The following RIC3 variants were observed in gnomAD, a reference collection of about 807,000 sequenced individuals.
RIC3 encodes protein RIC-3.
Under a neutral mutation model 27.3 loss-of-function variants are expected in RIC3, and 28 were observed. The observed-to-expected ratio is 1.02, with a 90% CI of 0.76 to 1.41. RIC3 has a LOEUF of 1.41. RIC3 is among the 40% of genes most tolerant of loss of function. The probability of loss-of-function intolerance (pLI) is 0.00; values close to 1 mark genes in which losing one functional copy is unlikely to be tolerated. For synonymous variants in RIC3, 184 were observed against 160.4 expected (o/e 1.15, Z -1.11); for missense variants, 501 against 444.7 (o/e 1.13, Z -1.14).
At chr11:8,121,986 C>T (rs1176164965) in intron 5 of RIC3, among the ~76,000 whole-genome samples, 3 of 152,068 alleles carry the variant, frequency 2.0e-5, no homozygotes, top group Admixed American at 6.5e-5. Context: ...CCCAGCTACT[C>T]AGGAGGCTGA....
Position 8,110,530 on chromosome 11 carries a change from ACAGGTGTGTGAGCAC to A in RIC3, c.*153_*167del, listed in dbSNP as rs1945119221. On this transcript the variant is annotated 3_prime_UTR_variant, in exon 6 of 6. Coordinates refer to ENST00000309737, the MANE Select transcript of RIC3 (RefSeq NM_001206671.4). ...ACTAATGTCCGTGTTTTACAAGGTG[ACAGGTGTGTGAGCAC>A]CAGGAAGGATACATGATATCCATGA... 1 of 709,190 alleles carries A rather than the reference ACAGGTGTGTGAGCAC, an allele frequency of 1.4e-6. No individual in the cohort carries two copies. Among genetic ancestry groups the A allele is most frequent in the East Asian group, 2.7e-5 (1 of 37,620 alleles). 43.9% of individuals were successfully genotyped at this position (709,190 alleles called of 1,614,324 possible).
chr11:8,098,811 A>T, the RIC3 span: 1 of 1,614,216 alleles, frequency 6.2e-7, no homozygotes, highest in Non-Finnish European at 8.5e-7. Context: ...GTCAACCCTC[A>T]GAAGGCCTCA....
At chr11:8,101,512 C>A, downstream of RIC3, 1 of 1,614,214 alleles carries the variant, frequency 6.2e-7, no homozygotes, top group South Asian at 1.1e-5. Context: ...GCAGTTTGGC[C>A]GGGTAGCAGA....
intron 1 of RIC3, among the ~76,000 whole-genome samples, chr11:8,156,936 A>C (rs1590368504): frequency 6.6e-6 from 1 of 152,300 alleles, no homozygotes; most frequent in Admixed American, 6.5e-5. Flanking sequence ...CACCATCTCT[A>C]TCCAATTTTA....
intron 1 of RIC3, among the ~76,000 whole-genome samples, chr11:8,140,426 T>G (rs903608691): frequency 1.3e-5 from 2 of 152,176 alleles, no homozygotes; most frequent in Non-Finnish European, 2.9e-5. Flanking sequence ...CTGGACCACA[T>G]TTTTCAGACT....
Position 8,110,888 on chromosome 11 carries a change from A to T in RIC3, c.920T>A (p.Phe307Tyr). The T allele has an allele frequency of 1.2e-6, 2 of 1,614,210 alleles. No homozygotes were observed. Among genetic ancestry groups the T allele is most frequent in the Non-Finnish European group, 1.7e-6 (2 of 1,180,038 alleles). ...GACAGCAGGATCCTCGTCTTCATGA[A>T]AACAGCAGGAACATGTTTCTGGCTT... Reference protein sequence around the residue: ...DPKPETCSCCFHEDEDPAVLA... With the variant: ...DPKPETCSCCYHEDEDPAVLA... The change falls in exon 6 of 6, where the codon TTT becomes TAT. Residue 307 changes from phenylalanine to tyrosine, a missense_variant. Transcript: ENST00000309737.
At chr11:8,100,611 T>C in the RIC3 span, 11 of 1,611,294 alleles carry the variant, frequency 6.8e-6, no homozygotes, top group Admixed American at 1.7e-5. Flanking sequence ...CGTGAGTGTC[T>C]ACCCCTTCCT....
At chr11:8,137,257 C>T in intron 4 of RIC3, 121 bp downstream of exon 4, 3 of 766,840 alleles carry the variant, frequency 3.9e-6, no homozygotes, top group Non-Finnish European at 6.6e-6. Flanking sequence ...CTCCTGACCT[C>T]AGATGATCCA....
chr11:8,159,114 G>A (rs1056049930), intron 1 of RIC3, among the ~76,000 whole-genome samples: 1 of 151,540 alleles, frequency 6.6e-6, no homozygotes. Flanking sequence ...ACAGGGAGAA[G>A]GGGTAGGACC....
chr11:8,101,088 C>G, downstream of RIC3: 2 of 1,462,044 alleles, frequency 1.4e-6, no homozygotes, highest in East Asian at 2.3e-5. Context: ...CCTACACTGG[C>G]TAGAGTTTAA....
chr11:8,127,586 A>G (rs1039931124), intron 4 of RIC3, among the ~76,000 whole-genome samples: 2 of 152,214 alleles, frequency 1.3e-5, no homozygotes, highest in African/African-American at 4.8e-5. Flanking sequence ...CAAGGATAAC[A>G]GTTTGATTGT....
downstream of RIC3, chr11:8,103,855 A>T (rs1035722137): frequency 6.6e-6 from 1 of 152,410 alleles, no homozygotes; most frequent in Non-Finnish European, 1.5e-5. Context: ...CCCCGGTGGC[A>T]GTGGAAAAAT....
intron 4 of RIC3, among the ~76,000 whole-genome samples, chr11:8,131,900 CAAAAAAAAAAAAAAAAAAA>C (rs796158730): frequency 3.8e-5 from 1 of 26,176 alleles, no homozygotes; most frequent in Admixed American, 6.3e-4. Flanking sequence ...GACTCCATCT[CAAAAAAAAAAAAAAAAAAA>C]AAAAAAAAGA....
At chr11:8,101,482 C>T (rs762481527), downstream of RIC3, 10 of 1,614,184 alleles carry the variant, frequency 6.2e-6, no homozygotes, top group South Asian at 9.9e-5. Flanking sequence ...GTGCTTGGCC[C>T]CAGCGGACTA....
chr11:8,122,455 G>GTGTATATATATATATATATATATATATA (rs1946560707), intron 5 of RIC3, among the ~76,000 whole-genome samples: 1 of 151,704 alleles, frequency 6.6e-6, no homozygotes, highest in South Asian at 2.1e-4. Context: ...ACCACAGTGT[G>GTGTATATATATATATATATATATATATA]TATATATATA....
At chr11:8,158,796 C>T (rs565705992) in intron 1 of RIC3, among the ~76,000 whole-genome samples, 4 of 138,832 alleles carry the variant, frequency 2.9e-5, no homozygotes, top group Non-Finnish European at 6.2e-5. Flanking sequence ...TTCAGTGGCA[C>T]GATCTCAGCT....
chr11:8,098,344 C>G, the RIC3 span, among the ~76,000 whole-genome samples: 3 of 152,076 alleles, frequency 2.0e-5, no homozygotes, highest in Non-Finnish European at 4.4e-5. Context: ...GGAGCTAAAG[C>G]TGGAGATGGG....
chr11:8,101,090 AGAGTTT>A, downstream of RIC3: 2 of 1,441,614 alleles, frequency 1.4e-6, no homozygotes, highest in South Asian at 1.3e-5. Context: ...TACACTGGCT[AGAGTTT>A]AAGAATGTGA....
intron 1 of RIC3, among the ~76,000 whole-genome samples, chr11:8,167,454 A>G (rs1361025530): frequency 6.6e-6 from 1 of 152,132 alleles, no homozygotes; most frequent in Non-Finnish European, 1.5e-5. Flanking sequence ...AAAGCACAGC[A>G]CTTCAGGAAT....
Sources: allele counts gnomAD v4.1 joint callset (sites outside exome capture counted in the v4.1 genomes callset), GRCh38; gene constraint gnomAD v4.1.1; transcripts MANE v1.5; gene names NCBI Gene and HGNC (gene_info 2026-07-23, HGNC 2026-07-21).